Variants in EML3 observed in about 807,000 individuals in gnomAD.
EML3 encodes EMAP like 3.
In EML3, 53 loss-of-function variants were observed where a neutral mutation model predicts 106.7. The ratio of observed to expected loss-of-function variants is 0.50; its 90% CI spans 0.40 to 0.62. EML3 has a LOEUF of 0.62. EML3 is among the 20% of genes least tolerant of loss of function. The pLI, the probability that EML3 is intolerant of heterozygous loss-of-function variation, is 0.00. For missense variants in EML3, 994 were observed against 1,209.1 expected (o/e 0.82, Z 2.64); for synonymous variants, 499 against 489.6 (o/e 1.02, Z -0.25).
Position 62,602,451 on chromosome 11 carries a change from C to A in EML3, c.*24G>T, listed in dbSNP as rs893309986. The stretch of plus-strand genomic sequence containing the variant: ...GGCGGGGCGGGGCCACGCCGCCGGG[C>A]CAGTCGGTCCCGCCAGGCAGCGATC... On this transcript the variant is annotated 3_prime_UTR_variant, in exon 22 of 22. Transcript: ENST00000394773. 26 of 1,544,354 alleles carry A rather than the reference C, an allele frequency of 1.7e-5. No individual in the cohort carries two copies. The highest frequency in any genetic ancestry group is 1.7e-4 in the Middle Eastern group (1 of 5,986).
rs978036557 is a variant in EML3 at position 62,612,552 on chromosome 11, G to A, written c.-95C>T. 3.2e-5 allele frequency: 40 copies of A among 1,251,094 alleles called. No individual in the cohort carries two copies. The highest frequency in any genetic ancestry group is 4.0e-5 in the Non-Finnish European group (39 of 979,254). The allele number at this position is 1,251,094 out of a possible 1,614,324, so 77.5% of individuals were successfully genotyped here. A position where few individuals can be genotyped will look rare whatever the true frequency, so the allele number is the denominator to read the frequency against. ...AGAGGGGAAGGGGAAGCACCCCGGG[G>A]CGCGCGCGAAGGGCGCCGTACCACC... On this transcript the variant is annotated 5_prime_UTR_variant, in exon 1 of 22. Coordinates refer to ENST00000394773, the MANE Select transcript of EML3 (RefSeq NM_153265.3).
chr11:62,605,559 AAGGCAAGGTGCTGGGGAAGGCGT>A lies in EML3; in HGVS notation c.1914+60_1914+82del. The A allele has an allele frequency of 6.7e-7, 1 of 1,485,644 alleles. No individual in the cohort carries two copies. 92.0% of individuals were successfully genotyped at this position (1,485,644 alleles called of 1,614,324 possible). A position where few individuals can be genotyped will look rare whatever the true frequency, so the allele number is the denominator to read the frequency against. On this transcript the variant is annotated intron_variant, in intron 15 of 21. Transcript: ENST00000394773. The surrounding 1 kb of genome is among the most constrained non-coding windows in gnomAD (Gnocchi z 5.2). ...CAAACTGGCCACCTCTGGGAGGCAG[AAGGCAAGGTGCTGGGGAAGGCGT>A]GGTGGCCACAGGTGTCCTGGTGGGT...
intron 4 of EML3, among the ~76,000 whole-genome samples, chr11:62,610,214 C>A (rs1270926668): frequency 3.9e-5 from 6 of 152,164 alleles, no homozygotes. Context: ...GGGAGGCAAG[C>A]AAGAAAGTCC....
In EML3 at chr11:62,602,887, C is replaced by A; in HGVS notation, c.2359G>T (p.Val787Phe). ...TCVLGFHVYG[V>F]WPDGSDGTDI... The stretch of plus-strand genomic sequence containing the variant: ...GTCCCATCGGAGCCGTCCGGCCAGA[C>A]GCCTAGCACAGCGGCCGGCCTCAGC... The change falls in exon 21 of 22, where the codon GTC (valine) becomes TTC (phenylalanine). Residue 787 changes from valine to phenylalanine, a missense_variant and splice_region_variant. Around this residue, in one of 3 missense-constraint regions of EML3, gnomAD observed 713 missense variants for 920.5 expected, o/e 0.77. Transcript: ENST00000394773. 2 of 1,564,258 alleles carry A rather than the reference C, an allele frequency of 1.3e-6. No homozygotes were observed. The highest frequency in any genetic ancestry group is 1.7e-6 in the Non-Finnish European group (2 of 1,154,236).
chr11:62,611,371 G>C, intron 2 of EML3, 27 bp from the exon 3 acceptor site: 1 of 1,613,524 alleles, frequency 6.2e-7, no homozygotes, highest in Non-Finnish European at 8.5e-7. Flanking sequence ...GAATTAACCT[G>C]AAGCCCCAGA....
Position 62,609,137 on chromosome 11 carries a change from G to T in EML3, c.759-5C>A. The T allele has an allele frequency of 6.2e-7, 1 of 1,613,812 alleles. No homozygotes were observed. Among genetic ancestry groups the T allele is most frequent in the Non-Finnish European group, 8.5e-7 (1 of 1,180,006 alleles). On this transcript the variant is annotated splice_region_variant and splice_polypyrimidine_tract_variant and intron_variant, in intron 6 of 21. Transcript: ENST00000394773. The stretch of plus-strand genomic sequence containing the variant: ...TCACGACCCCTGTACCCATAACTGG[G>T]GTGGAGATCACGGTCAAGGAAAGGG...
chr11:62,606,105 C>G lies in EML3; in HGVS notation c.1614G>C (p.Leu538=). The G allele has an allele frequency of 6.2e-7, 1 of 1,614,046 alleles. No homozygotes were observed. Among genetic ancestry groups the G allele is most frequent in the Non-Finnish European group, 8.5e-7 (1 of 1,180,052 alleles). The change falls in exon 13 of 22, where the codon CTG becomes CTC. Residue 538 remains leucine, a synonymous_variant. Coordinates refer to ENST00000394773, the MANE Select transcript of EML3 (RefSeq NM_153265.3). Reference sequence around the variant, plus strand: ...CCACCAACCCGGGCCCCCACTGTACCAGCCGGCGGTCCCGCCCGCCACCAC... The same window carrying G: ...CCACCAACCCGGGCCCCCACTGTACGAGCCGGCGGTCCCGCCCGCCACCAC... ...VLSGGGRDRR[L]VQWGPGLVAL...
chr11:62,611,942 C>G (rs920883141), intron 1 of EML3: 6 of 374,480 alleles, frequency 1.6e-5, no homozygotes, highest in African/African-American at 4.2e-5. Context: ...GACCGCAGCC[C>G]TCCCCACGCG....
chr11:62,612,338 A>T lies in EML3; in HGVS notation c.22+98T>A. The T allele has an allele frequency of 1.6e-6, 2 of 1,254,364 alleles. 1 individual carries two copies. The highest frequency in any genetic ancestry group is 2.7e-5 in the South Asian group (2 of 75,034). 77.7% of individuals were successfully genotyped at this position (1,254,364 alleles called of 1,614,324 possible). ...CTCGGAGCCCCTGGGGCGGAGGAGC[A>T]CGCGGGGACGCCTCCAGACAGCCGT... On this transcript the variant is annotated intron_variant, in intron 1 of 21. Transcript: ENST00000394773.
chr11:62,607,150 T>G (rs1433213308), intron 11 of EML3, 51 bp from the exon 12 acceptor site: 12 of 1,596,032 alleles, frequency 7.5e-6, no homozygotes, highest in Admixed American at 1.7e-5. Context: ...GGGCAAAGAT[T>G]AAAAGTCGCA....
At position 62,603,182 on chromosome 11, in the gene EML3, T is replaced by C. The variant is rs1942332290; in HGVS notation, c.2323A>G (p.Thr775Ala). ...RYESRDREWA[T>A]YTCVLGFHVY... is the part of the protein sequence containing the mutation. ...TGAAAGCCCAGCACACAGGTGTAGGTAGCCCATTCCCGGTCTCGGCTCTCA... is the reference window on the plus strand; with the variant it reads ...TGAAAGCCCAGCACACAGGTGTAGGCAGCCCATTCCCGGTCTCGGCTCTCA... The change falls in exon 20 of 22, where the codon ACC (threonine) becomes GCC (alanine). Residue 775 changes from threonine (T) to alanine (A), a missense_variant. By Grantham distance (58) the Thr-to-Ala change is moderately conservative (BLOSUM62 0). Coordinates refer to ENST00000394773, the MANE Select transcript of EML3 (RefSeq NM_153265.3). 1.2e-6 allele frequency: 2 copies of C among 1,613,960 alleles called. No individual in the cohort carries two copies. Among genetic ancestry groups the C allele is most frequent in the Admixed American group, 1.7e-5 (1 of 59,992 alleles).
chr11:62,607,126 G>A (rs35896647), intron 11 of EML3, 27 bp from the exon 12 acceptor site: 4 of 1,611,390 alleles, frequency 2.5e-6, no homozygotes, highest in Non-Finnish European at 3.4e-6. Context: ...GCAGACAGTA[G>A]AGGTCAAAGG....
chr11:62,602,912 C>T, intron 20 of EML3, 23 bp from the exon 21 acceptor site: 1 of 1,520,462 alleles, frequency 6.6e-7, no homozygotes, highest in Non-Finnish European at 8.8e-7. Context: ...CCGGCCTCAG[C>T]CCGACCTCCT....
chr11:62,612,551 G>GGC lies in EML3; in HGVS notation c.-96_-95dup. ...GAGAGGGGAAGGGGAAGCACCCCGG[G>GGC]GCGCGCGCGAAGGGCGCCGTACCAC... On this transcript the variant is annotated 5_prime_UTR_variant, in exon 1 of 22. Coordinates refer to ENST00000394773, the MANE Select transcript of EML3 (RefSeq NM_153265.3). The GGC allele has an allele frequency of 8.0e-7, 1 of 1,255,772 alleles. No individual in the cohort carries two copies. Among genetic ancestry groups the GGC allele is most frequent in the Non-Finnish European group, 1.0e-6 (1 of 983,328 alleles). 77.8% of individuals were successfully genotyped at this position (1,255,772 alleles called of 1,614,324 possible).
rs1434419500 is a variant in EML3, at chr11:62,602,316, C to T, written c.*159G>A. The T allele has an allele frequency of 1.2e-5, 18 of 1,550,874 alleles. No individual in the cohort carries two copies. The highest frequency in any genetic ancestry group is 1.6e-5 in the Non-Finnish European group (18 of 1,146,856). On this transcript the variant is annotated 3_prime_UTR_variant, in exon 22 of 22. Coordinates refer to ENST00000394773, the MANE Select transcript of EML3 (RefSeq NM_153265.3). Reference sequence around the variant, plus strand: ...AGCCAGCGGGTCTAAACAGTGTGTGCAGGGGCGCCGTTCGCGCCCTCCAGG... The same window carrying T: ...AGCCAGCGGGTCTAAACAGTGTGTGTAGGGGCGCCGTTCGCGCCCTCCAGG...
At position 62,603,053 on chromosome 11, in the gene EML3, G is replaced by C. The variant is rs918464978; in HGVS notation, c.2356+96C>G. On this transcript the variant is annotated intron_variant, in intron 20 of 21. Coordinates refer to ENST00000394773, the MANE Select transcript of EML3 (RefSeq NM_153265.3). ...CCTGGGCTGGATCTTCAGGTTTCTG[G>C]ACTCTCACCCAACGACACACGCCCA... 33 of 1,553,056 alleles carry C rather than the reference G, an allele frequency of 2.1e-5. No homozygotes were observed. The South Asian group carries it at 3.7e-4, about 17-fold the overall frequency.
At chr11:62,610,612 C>T (rs1942761213) in intron 4 of EML3, among the ~76,000 whole-genome samples, 1 of 152,162 alleles carries the variant, frequency 6.6e-6, no homozygotes, top group Non-Finnish European at 1.5e-5. Flanking sequence ...AAATGACTTA[C>T]CCTCTCTGAG....
chr11:62,604,309 C>T (rs1394993517), intron 16 of EML3, 108 bp from the exon 17 acceptor site: 3 of 785,682 alleles, frequency 3.8e-6, no homozygotes, highest in Non-Finnish European at 6.5e-6. Flanking sequence ...ATAAGAGAAG[C>T]TCAGAGACAC....
Position 62,604,119 on chromosome 11 carries a change from T to G in EML3, c.2065A>C (p.Ser689Arg). The G allele has an allele frequency of 6.2e-7, 1 of 1,614,018 alleles. No homozygotes were observed. The highest frequency in any genetic ancestry group is 1.1e-5 in the South Asian group (1 of 91,074). ...GGGTTGGGGTGGCTCCCACCTGGGC[T>G]GTACCGGACCACTGAGAGCTGCTCA... The part of the protein sequence containing the change: ...GNEQLSVVRY[S>R]PDGLYLAIGS... The change falls in exon 17 of 22, where the codon AGC becomes CGC. Residue 689 changes from serine (S) to arginine (R), a missense_variant. Physicochemically the swap from Ser to Arg is moderately radical, Grantham distance 110. Transcript: ENST00000394773.
Sources: gnomAD v4.1 joint callset for allele counts (sites outside exome capture counted in the v4.1 genomes callset) on GRCh38, gnomAD v4.1.1 for gene constraint, gnomAD v4.1.1 regional missense constraint, Gnocchi (gnomAD v3.1) non-coding constraint, MANE v1.5 for transcripts, NCBI Gene and HGNC (gene_info 2026-07-23, HGNC 2026-07-21) for gene names.